The following PGCKA1 variants were observed in gnomAD, a reference collection of about 807,000 sequenced individuals.
PGCKA1 encodes PDCD10 and GCKIII kinases associated 1, also known as PDCD10 and GCKIII kinases-associated protein 1.
At chr4:37,498,717 A>G in the PGCKA1 span, among the ~76,000 whole-genome samples, 1 of 152,202 alleles carries the variant, frequency 6.6e-6, no homozygotes, top group South Asian at 2.1e-4. Context: ...TATCAGCTTA[A>G]GGAGCTTTTG....
At chr4:37,509,727 G>A in the PGCKA1 span, among the ~76,000 whole-genome samples, 519 of 151,424 alleles carry the variant, frequency 3.4e-3, 1 homozygote, top group Middle Eastern at 0.027. Flanking sequence ...TCGCGAGGCC[G>A]AGGCTGGCAG....
chr4:37,539,194 T>G, the PGCKA1 span, among the ~76,000 whole-genome samples: 1 of 152,132 alleles, frequency 6.6e-6, no homozygotes, highest in African/African-American at 2.4e-5. Flanking sequence ...TTCAGTTAAA[T>G]GAAGGTTAAG....
the PGCKA1 span, among the ~76,000 whole-genome samples, chr4:37,519,112 T>G: frequency 6.6e-6 from 1 of 152,238 alleles, no homozygotes; most frequent in Non-Finnish European, 1.5e-5. Context: ...TTCTTGATTC[T>G]GATCCATTGG....
the PGCKA1 span, among the ~76,000 whole-genome samples, chr4:37,575,192 T>C: frequency 6.6e-6 from 1 of 152,124 alleles, no homozygotes; most frequent in Non-Finnish European, 1.5e-5. Context: ...TCCATAGTGG[T>C]TGTACTAATT....
chr4:37,508,381 A>G, the PGCKA1 span, among the ~76,000 whole-genome samples: 1 of 152,008 alleles, frequency 6.6e-6, no homozygotes, highest in Non-Finnish European at 1.5e-5. Context: ...TCTCGTAGGT[A>G]TGCTTCATTC....
chr4:37,487,500 C>A, the PGCKA1 span, among the ~76,000 whole-genome samples: 8 of 152,120 alleles, frequency 5.3e-5, no homozygotes, highest in Non-Finnish European at 1.0e-4. Flanking sequence ...CTTCTTCATC[C>A]TACCCTGGTA....
chr4:37,462,175 T>G, the PGCKA1 span, among the ~76,000 whole-genome samples: 1 of 152,186 alleles, frequency 6.6e-6, no homozygotes, highest in Non-Finnish European at 1.5e-5. Context: ...AGTGGGGAAA[T>G]TTTTTTGGCA....
At chr4:37,500,064 A>T in the PGCKA1 span, among the ~76,000 whole-genome samples, 1 of 151,628 alleles carries the variant, frequency 6.6e-6, no homozygotes, top group Admixed American at 6.6e-5. Context: ...CTGGGACTAT[A>T]GGCGCCCGCC....
the PGCKA1 span, among the ~76,000 whole-genome samples, chr4:37,550,708 TTCCAG>T: frequency 3.3e-5 from 5 of 152,318 alleles, no homozygotes; most frequent in South Asian, 1.0e-3. Flanking sequence ...GTACCTGAGA[TTCCAG>T]GAAAGACTAA....
At chr4:37,463,727 T>C in the PGCKA1 span, among the ~76,000 whole-genome samples, 1 of 150,498 alleles carries the variant, frequency 6.6e-6, no homozygotes, top group East Asian at 1.9e-4. Flanking sequence ...AGCTAGAGAG[T>C]TGTTTTCTTA....
the PGCKA1 span, among the ~76,000 whole-genome samples, chr4:37,478,806 C>T: frequency 6.6e-6 from 1 of 152,158 alleles, no homozygotes; most frequent in Admixed American, 6.5e-5. Flanking sequence ...TTTGTTACTT[C>T]TTTTATCAAT....
chr4:37,586,291 G>A, the PGCKA1 span, among the ~76,000 whole-genome samples: 3 of 152,152 alleles, frequency 2.0e-5, no homozygotes, highest in Non-Finnish European at 4.4e-5. Flanking sequence ...ATTGGTTGCA[G>A]ACACACAACA....
chr4:37,511,470 G>A, the PGCKA1 span, among the ~76,000 whole-genome samples: 3,407 of 152,122 alleles, frequency 0.022, 94 homozygotes, highest in East Asian at 0.074. Context: ...TTCCTTTCTG[G>A]CCCAGAGTAT....
At chr4:37,467,845 G>A in the PGCKA1 span, among the ~76,000 whole-genome samples, 1 of 152,202 alleles carries the variant, frequency 6.6e-6, no homozygotes, top group Non-Finnish European at 1.5e-5. Context: ...GAAACATGCA[G>A]TACAACAATT....
At chr4:37,575,388 A>T in the PGCKA1 span, among the ~76,000 whole-genome samples, 3 of 151,846 alleles carry the variant, frequency 2.0e-5, no homozygotes, top group Admixed American at 2.0e-4. Flanking sequence ...TGCCATTTGT[A>T]TGTCTTCTTT....
chr4:37,538,342 T>C, the PGCKA1 span, among the ~76,000 whole-genome samples: 2 of 152,178 alleles, frequency 1.3e-5, no homozygotes, highest in East Asian at 3.8e-4. Context: ...TTCTGCCACA[T>C]GTGTGAGAAA....
chr4:37,467,822 G>A, the PGCKA1 span, among the ~76,000 whole-genome samples: 3 of 152,142 alleles, frequency 2.0e-5, no homozygotes, highest in South Asian at 2.1e-4. Flanking sequence ...CCAGTATCAC[G>A]TTCATGCATT....
the PGCKA1 span, among the ~76,000 whole-genome samples, chr4:37,519,703 T>C: frequency 6.6e-6 from 1 of 152,234 alleles, no homozygotes. Flanking sequence ...TCACAACATC[T>C]GCAAACAAGG....
the PGCKA1 span, among the ~76,000 whole-genome samples, chr4:37,537,887 A>AC: frequency 6.6e-6 from 1 of 152,228 alleles, no homozygotes; most frequent in African/African-American, 2.4e-5. Flanking sequence ...AAGCTAGGAC[A>AC]CTGGAATGCT....
Sources: allele counts gnomAD v4.1 joint callset (sites outside exome capture counted in the v4.1 genomes callset), GRCh38; gene constraint gnomAD v4.1.1; transcripts MANE v1.5; gene names NCBI Gene and HGNC (gene_info 2026-07-23, HGNC 2026-07-21).